The following ORC3 variants were observed in gnomAD, a reference collection of about 807,000 sequenced individuals.
ORC3 encodes origin recognition complex subunit 3, also known as homolog of latheo, Drosophila.
A neutral mutation model predicts 100.7 loss-of-function variants in ORC3; 78 were observed. The observed-to-expected ratio is 0.77, with a 90% CI of 0.65 to 0.94. The LOEUF (loss-of-function observed/expected upper bound fraction) is 0.94. Ranked by LOEUF, ORC3 falls within the 40% of genes least tolerant of loss-of-function variation. The pLI, the probability that ORC3 is intolerant of heterozygous loss-of-function variation, is 0.00. For missense variants in ORC3, 789 were observed against 823.9 expected, an observed-to-expected ratio of 0.96 and a Z score of 0.52; for synonymous variants, 295 against 289.3, an observed-to-expected ratio of 1.02 and a Z score of -0.20.
At chr6:87,597,754 A>G (rs144619704) in intron 2 of ORC3, among the ~76,000 whole-genome samples, 3 of 151,682 alleles carry the variant, frequency 2.0e-5, no homozygotes, top group African/African-American at 4.8e-5. Flanking sequence ...GGATCTTACT[A>G]TGTTGCCCAG....
intron 13 of ORC3, chr6:87,651,060 C>A: frequency 2.5e-6 from 1 of 402,364 alleles, no homozygotes. Context: ...GAATCCCTGG[C>A]AGTTTACATC....
intron 2 of ORC3, among the ~76,000 whole-genome samples, chr6:87,597,680 TACACACACACAC>T (rs55758892): frequency 3.6e-5 from 5 of 138,434 alleles, no homozygotes; most frequent in South Asian, 2.2e-4. Flanking sequence ...TATATATATA[TACACACACACAC>T]ACACACACAC....
chr6:87,605,955 C>A lies in ORC3; in HGVS notation c.361C>A (p.Leu121Ile). The A allele has an allele frequency of 6.2e-7, 1 of 1,609,322 alleles. No individual in the cohort carries two copies. Among genetic ancestry groups the A allele is most frequent in the South Asian group, 1.1e-5 (1 of 90,882 alleles). Residue 121 changes from leucine (L) to isoleucine (I), a missense_variant, in exon 5 of 20, where the codon CTA (leucine) becomes ATA (isoleucine). Coordinates refer to ENST00000392844, the MANE Select transcript of ORC3 (RefSeq NM_012381.4). Reference sequence around the variant, plus strand: ...AGATCATGATTTGACATTCGGAAGTCTAACAGAGGCCCTTCAGAATAATGT... The same window carrying A: ...AGATCATGATTTGACATTCGGAAGTATAACAGAGGCCCTTCAGAATAATGT... ...VTDHDLTFGSLTEALQNNVTP... is the reference protein window; with the variant it reads ...VTDHDLTFGSITEALQNNVTP...
chr6:87,617,145 G>C (rs572307464), intron 9 of ORC3, among the ~76,000 whole-genome samples: 34 of 151,940 alleles, frequency 2.2e-4, no homozygotes, highest in Non-Finnish European at 4.3e-4. Context: ...TGCTGTTTCT[G>C]TTTCTTCTTC....
At chr6:87,600,136 T>C (rs1459812482) in intron 2 of ORC3, among the ~76,000 whole-genome samples, 2 of 152,212 alleles carry the variant, frequency 1.3e-5, no homozygotes, top group Admixed American at 6.5e-5. Flanking sequence ...GAGTTAACTA[T>C]GATTAGGAGA....
chr6:87,594,025 G>A (rs1347916212), intron 1 of ORC3, among the ~76,000 whole-genome samples: 1 of 152,204 alleles, frequency 6.6e-6, no homozygotes, highest in African/African-American at 2.4e-5. Flanking sequence ...ATTCCTTTAA[G>A]TTTATGAAAA....
chr6:87,621,933 A>G lies in ORC3; in HGVS notation c.1122-17A>G. ...TTTAATTTTCTCTTTTTATGTATGG[A>G]ATGGTGAAAATTCTAGGTACGTGGA... On this transcript the variant is annotated splice_polypyrimidine_tract_variant and intron_variant, in intron 10 of 19. Coordinates refer to ENST00000392844, the MANE Select transcript of ORC3 (RefSeq NM_012381.4). The G allele has an allele frequency of 6.4e-7, 1 of 1,573,062 alleles. No individual in the cohort carries two copies. Among genetic ancestry groups the G allele is most frequent in the Non-Finnish European group, 8.7e-7 (1 of 1,146,072 alleles).
In ORC3 at chr6:87,602,943, T is replaced by C. The variant is rs969061484; in HGVS notation, c.178-441T>C. On this transcript the variant is annotated intron_variant, in intron 3 of 19. Transcript: ENST00000392844. ...ATATATATACACGTTTATATATATATACACATATATAATATATATATATAT... is the reference window on the plus strand; with the variant it reads ...ATATATATACACGTTTATATATATACACACATATATAATATATATATATAT... Among the ~76,000 whole-genome samples, 7 of 130,540 alleles carry C rather than the reference T, an allele frequency of 5.4e-5. No homozygotes were observed. In the South Asian group the frequency reaches 9.4e-4, roughly 17 times the overall value. The allele number at this position is 130,540 out of a possible 152,430, so 85.6% of individuals were successfully genotyped here. A position where few individuals can be genotyped will look rare whatever the true frequency, so the allele number is the denominator to read the frequency against.
At chr6:87,648,394 C>T (rs979793909) in intron 13 of ORC3, among the ~76,000 whole-genome samples, 1 of 152,118 alleles carries the variant, frequency 6.6e-6, no homozygotes, top group African/African-American at 2.4e-5. Flanking sequence ...TTAAATAATA[C>T]TATATATGGT....
At chr6:87,644,002 A>AC (rs1202930709) in intron 13 of ORC3, among the ~76,000 whole-genome samples, 4 of 142,960 alleles carry the variant, frequency 2.8e-5, no homozygotes, top group African/African-American at 1.1e-4. Flanking sequence ...CTCTTCTCCT[A>AC]CCCCCCAAAA....
Position 87,609,087 on chromosome 6 carries a change from G to T in ORC3, c.580-9G>T. The T allele has an allele frequency of 6.3e-7, 1 of 1,592,368 alleles. No homozygotes were observed. Among genetic ancestry groups the T allele is most frequent in the East Asian group, 2.3e-5 (1 of 44,320 alleles). On this transcript the variant is annotated splice_polypyrimidine_tract_variant and intron_variant, in intron 6 of 19. Transcript: ENST00000392844. Reference sequence around the variant, plus strand: ...CCTTTAACTCTTTCTTTCTGCAATGGCTTAAAAGAAGACGGACCCAAAAAT... The same window carrying T: ...CCTTTAACTCTTTCTTTCTGCAATGTCTTAAAAGAAGACGGACCCAAAAAT...
intron 2 of ORC3, among the ~76,000 whole-genome samples, chr6:87,601,029 A>T (rs188373274): frequency 6.6e-6 from 1 of 152,366 alleles, no homozygotes; most frequent in East Asian, 1.9e-4. Context: ...AAATATACAG[A>T]CAGAATAAAT....
intron 8 of ORC3, among the ~76,000 whole-genome samples, chr6:87,614,406 T>G (rs1554241009): frequency 6.6e-6 from 1 of 152,228 alleles, no homozygotes; most frequent in Non-Finnish European, 1.5e-5. Flanking sequence ...ACCTCTGACA[T>G]GCCCTGGAGA....
chr6:87,638,659 G>T (rs1047479165), intron 13 of ORC3, among the ~76,000 whole-genome samples: 14 of 152,156 alleles, frequency 9.2e-5, no homozygotes, highest in African/African-American at 3.1e-4. Flanking sequence ...ATGAGCACTT[G>T]TGATACCACA....
At chr6:87,590,895 G>T (rs2128240007) in intron 1 of ORC3, among the ~76,000 whole-genome samples, 1 of 152,322 alleles carries the variant, frequency 6.6e-6, no homozygotes, top group Admixed American at 6.5e-5. Flanking sequence ...GTGGATGCGG[G>T]TGTGTGTGGT....
chr6:87,655,996 A>G (rs1427850349), intron 14 of ORC3, among the ~76,000 whole-genome samples: 1 of 152,164 alleles, frequency 6.6e-6, no homozygotes, highest in African/African-American at 2.4e-5. Flanking sequence ...CTCCTGTCAT[A>G]GTTTTAGGCC....
At position 87,666,947 on chromosome 6, in the gene ORC3, T is replaced by G. The variant is rs183165076; in HGVS notation, c.2031-71T>G. On this transcript the variant is annotated intron_variant, in intron 19 of 19. Transcript: ENST00000392844. ...CTACTTCATTTTACCAACTAGTATT[T>G]TAACATTGAGATTTTAATCCCTTTT... 475 of 856,214 alleles carry G rather than the reference T, an allele frequency of 5.5e-4. 8 individuals carry two copies. The East Asian group carries it at 0.012, about 21-fold the overall frequency. 53.0% of individuals were successfully genotyped at this position (856,214 alleles called of 1,614,324 possible).
At chr6:87,608,916 A>G (rs1207777699) in intron 6 of ORC3, among the ~76,000 whole-genome samples, 180 bp from the exon 7 acceptor site, 2 of 152,104 alleles carry the variant, frequency 1.3e-5, no homozygotes, top group African/African-American at 4.8e-5. Flanking sequence ...CTTGGTTATT[A>G]TTCCCATGTC....
intron 19 of ORC3, among the ~76,000 whole-genome samples, chr6:87,666,786 A>G (rs1770679539): frequency 6.6e-6 from 1 of 152,120 alleles, no homozygotes; most frequent in African/African-American, 2.4e-5. Context: ...GGCGGGGAGC[A>G]ATTTCCATAC....
Sources: allele counts gnomAD v4.1 joint callset (sites outside exome capture counted in the v4.1 genomes callset), GRCh38; gene constraint gnomAD v4.1.1; transcripts MANE v1.5; gene names NCBI Gene and HGNC (gene_info 2026-07-23, HGNC 2026-07-21).